TOP3A: variants seen among roughly 807,000 people sequenced by gnomAD.
TOP3A encodes the protein DNA topoisomerase III alpha.
TOP3A carries 64 observed loss-of-function variants against 111.3 expected under a neutral mutation model. The ratio of observed to expected loss-of-function variants is 0.57; its 90% CI spans 0.47 to 0.71. The LOEUF (loss-of-function observed/expected upper bound fraction) is 0.71. Among genes scored for constraint, TOP3A ranks in the 30% least tolerant of loss-of-function variants. The pLI, the probability that TOP3A is intolerant of heterozygous loss-of-function variation, is 0.00. For synonymous variants in TOP3A, 484 were observed against 485.1 expected (o/e 1.00, Z 0.03); for missense variants, 1,104 against 1,285.0 (o/e 0.86, Z 2.15).
At chr17:18,280,898 A>G (rs1253422752) in intron 16 of TOP3A, among the ~76,000 whole-genome samples, 1 of 152,138 alleles carries the variant, frequency 6.6e-6, no homozygotes, top group African/African-American at 2.4e-5. Flanking sequence ...CCAACAACCA[A>G]CCAAGCTGAC....
intron 13 of TOP3A, among the ~76,000 whole-genome samples, chr17:18,286,574 G>A (rs1263122506): frequency 2.0e-5 from 3 of 152,034 alleles, no homozygotes; most frequent in African/African-American, 7.2e-5. Context: ...CAGACCTACT[G>A]GCAAAATCAA....
chr17:18,302,176 T>G lies in TOP3A; in HGVS notation c.814+88A>C. On this transcript the variant is annotated intron_variant, in intron 7 of 18. Transcript: ENST00000321105. ...GACAGCAAGACTAAAATAAATCACATCTTTATTAGTGCTATTAATGCTCAC... is the reference window on the plus strand; with the variant it reads ...GACAGCAAGACTAAAATAAATCACAGCTTTATTAGTGCTATTAATGCTCAC... 6 of 1,475,156 alleles carry G rather than the reference T, an allele frequency of 4.1e-6. No individual in the cohort carries two copies. In the South Asian group the frequency reaches 7.7e-5, roughly 19 times the overall value. 91.4% of individuals were successfully genotyped at this position (1,475,156 alleles called of 1,614,324 possible). A position where few individuals can be genotyped will look rare whatever the true frequency, so the allele number is the denominator to read the frequency against.
intron 18 of TOP3A, among the ~76,000 whole-genome samples, chr17:18,275,206 C>T (rs1257428695): frequency 6.2e-5 from 9 of 146,026 alleles, no homozygotes; most frequent in Non-Finnish European, 1.0e-4. Flanking sequence ...CACAGCTACT[C>T]GGGAGGATGC....
chr17:18,275,770 CAGCCTCCCGAGAGT>C (rs776271750), intron 18 of TOP3A, among the ~76,000 whole-genome samples: 32 of 151,858 alleles, frequency 2.1e-4, no homozygotes, highest in Non-Finnish European at 7.4e-5. Flanking sequence ...TGTCCTGTCT[CAGCCTCCCGAGAGT>C]AGCTGGGACT....
rs1027179525 is a variant in TOP3A at position 18,304,247 on chromosome 17, G to A, written c.499+865C>T. ...CCCAAAGTGCTGGGATTACAGGCAT[G>A]AGCCACCGTGCCTGGCTGCCTTTTG... On this transcript the variant is annotated intron_variant, in intron 5 of 18. Transcript: ENST00000321105. Among the ~76,000 whole-genome samples the A allele has an allele frequency of 5.9e-5, 9 of 152,298 alleles. No homozygotes were observed. In the East Asian group the frequency reaches 1.4e-3, roughly 23 times the overall value.
chr17:18,292,536 A>G, intron 11 of TOP3A, 109 bp downstream of exon 11: 1 of 1,031,124 alleles, frequency 9.7e-7, no homozygotes, highest in Non-Finnish European at 1.4e-6. Flanking sequence ...AGAGATCTCA[A>G]AATCACTTGT....
intron 4 of TOP3A, chr17:18,306,506 A>G (rs1392801930): frequency 5.7e-6 from 1 of 176,054 alleles, no homozygotes; most frequent in African/African-American, 2.4e-5. Flanking sequence ...AGCTGGGACT[A>G]TAGGCATACA....
chr17:18,295,495 C>T (rs1980740330), intron 9 of TOP3A, among the ~76,000 whole-genome samples: 1 of 151,838 alleles, frequency 6.6e-6, no homozygotes, highest in East Asian at 1.9e-4. Flanking sequence ...CAGTCTCGCT[C>T]TTGTTGCCCA....
intron 9 of TOP3A, among the ~76,000 whole-genome samples, chr17:18,295,283 G>A (rs1567744020): frequency 6.6e-6 from 1 of 152,050 alleles, no homozygotes; most frequent in East Asian, 1.9e-4. Flanking sequence ...CTCCCAAGTA[G>A]CTGAGATTAC....
At chr17:18,305,035 A>C in intron 5 of TOP3A, 77 bp downstream of exon 5, 14 of 1,197,330 alleles carry the variant, frequency 1.2e-5, no homozygotes, top group Non-Finnish European at 1.6e-5. Flanking sequence ...TCCGTGGCCC[A>C]TGTGCACATA....
intron 13 of TOP3A, among the ~76,000 whole-genome samples, chr17:18,288,019 CAAAA>C (rs974200409): frequency 6.7e-6 from 1 of 150,256 alleles, no homozygotes; most frequent in Non-Finnish European, 1.5e-5. Context: ...ACAAAAAAAA[CAAAA>C]AAACTGACTG....
chr17:18,299,730 G>T, intron 8 of TOP3A, 97 bp from the exon 9 acceptor site: 2 of 1,160,104 alleles, frequency 1.7e-6, no homozygotes, highest in South Asian at 1.2e-5. Context: ...AGATCACACT[G>T]ACCACCGCCA....
In TOP3A at chr17:18,302,257, G is replaced by A. The variant is rs367728566; in HGVS notation, c.814+7C>T. The A allele has an allele frequency of 6.2e-7, 1 of 1,604,960 alleles. No homozygotes were observed. The highest frequency in any genetic ancestry group is 1.3e-5 in the African/African-American group (1 of 74,532). ...TCCCAGGCCATAACACCCACTCCAG[G>A]CCCTACCTTTAATTCTGTGGAAGAT... On this transcript the variant is annotated splice_region_variant and intron_variant, in intron 7 of 18. Coordinates refer to ENST00000321105, the MANE Select transcript of TOP3A (RefSeq NM_004618.5).
chr17:18,291,748 C>A (rs975840044), intron 11 of TOP3A, among the ~76,000 whole-genome samples: 1 of 151,988 alleles, frequency 6.6e-6, no homozygotes, highest in African/African-American at 2.4e-5. Context: ...CAGAGTCTCA[C>A]TCTGTCGCCA....
chr17:18,311,668 A>AAT (rs2142992066), intron 1 of TOP3A, among the ~76,000 whole-genome samples: 1 of 152,380 alleles, frequency 6.6e-6, no homozygotes, highest in East Asian at 1.9e-4. Flanking sequence ...CAATTAACAA[A>AAT]ATATAATCAC....
intron 13 of TOP3A, among the ~76,000 whole-genome samples, chr17:18,290,058 G>C (rs1001453644): frequency 6.6e-6 from 1 of 152,234 alleles, no homozygotes; most frequent in Non-Finnish European, 1.5e-5. Flanking sequence ...AGGCCAGCGT[G>C]AGCAGCCTGA....
chr17:18,299,173 C>T (rs1346062521), intron 9 of TOP3A, among the ~76,000 whole-genome samples: 2 of 151,920 alleles, frequency 1.3e-5, no homozygotes, highest in Non-Finnish European at 2.9e-5. Flanking sequence ...TGCCTGTAAT[C>T]CCAGTACTTT....
intron 4 of TOP3A, among the ~76,000 whole-genome samples, chr17:18,306,309 G>C (rs1325594660): frequency 6.6e-6 from 1 of 152,156 alleles, no homozygotes; most frequent in Middle Eastern, 3.4e-3. Context: ...ATACTTTGTA[G>C]CCTCTTTCAT....
At chr17:18,289,753 T>C (rs911924457) in intron 13 of TOP3A, among the ~76,000 whole-genome samples, 1 of 152,214 alleles carries the variant, frequency 6.6e-6, no homozygotes, top group African/African-American at 2.4e-5. Context: ...TACCTAAACC[T>C]GCAGGGTTTC....
Sources: gnomAD v4.1 joint callset for allele counts (sites outside exome capture counted in the v4.1 genomes callset) on GRCh38, gnomAD v4.1.1 for gene constraint, MANE v1.5 for transcripts, NCBI Gene and HGNC (gene_info 2026-07-23, HGNC 2026-07-21) for gene names.